Variants in DNAH11 observed in about 807,000 individuals in gnomAD.
DNAH11 encodes dynein axonemal heavy chain 11, also known as axonemal beta dynein heavy chain 11.
DNAH11 carries 442 observed loss-of-function variants against 526.0 expected under a neutral mutation model. The ratio of observed to expected loss-of-function variants is 0.84; its 90% CI spans 0.78 to 0.91. The LOEUF (loss-of-function observed/expected upper bound fraction) is 0.91. DNAH11 is among the 40% of genes least tolerant of loss of function. The pLI is 0.00. For synonymous variants in DNAH11, 2,461 were observed against 1,935.9 expected, an observed-to-expected ratio of 1.27 and a Z score of -7.12; for missense variants, 6,989 against 5,448.7, an observed-to-expected ratio of 1.28 and a Z score of -8.90.
At chr7:21,706,165 A>G (rs1182763072) in intron 39 of DNAH11, among the ~76,000 whole-genome samples, 2 of 152,138 alleles carry the variant, frequency 1.3e-5, no homozygotes, top group Non-Finnish European at 2.9e-5. Context: ...TGCATTATGT[A>G]TGATTTACTC....
intron 61 of DNAH11, among the ~76,000 whole-genome samples, 163 bp from the exon 62 acceptor site, chr7:21,800,974 T>C (rs572233861): frequency 1.2e-4 from 18 of 152,330 alleles, no homozygotes; most frequent in Admixed American, 5.2e-4. Context: ...TTTCATTATA[T>C]CCTTCTTTTC....
At chr7:21,742,737 G>A (rs578071957) in intron 49 of DNAH11, among the ~76,000 whole-genome samples, 56 of 152,272 alleles carry the variant, frequency 3.7e-4, no homozygotes, top group African/African-American at 1.3e-3. Context: ...AAACTTCTCA[G>A]GAAGTAAGTA....
chr7:21,700,769 C>T (rs573563241), intron 36 of DNAH11, among the ~76,000 whole-genome samples: 1 of 152,116 alleles, frequency 6.6e-6, no homozygotes, highest in Non-Finnish European at 1.5e-5. Flanking sequence ...CCATGGAATA[C>T]TATGCAGCCA....
intron 36 of DNAH11, among the ~76,000 whole-genome samples, chr7:21,700,761 A>G (rs554166769): frequency 3.3e-4 from 50 of 152,334 alleles, no homozygotes; most frequent in Non-Finnish European, 5.0e-4. Flanking sequence ...CATATACACC[A>G]TGGAATACTA....
At chr7:21,777,608 T>C (rs1787735500) in intron 56 of DNAH11, among the ~76,000 whole-genome samples, 1 of 152,204 alleles carries the variant, frequency 6.6e-6, no homozygotes, top group South Asian at 2.1e-4. Flanking sequence ...ATTTTAACCA[T>C]TCTAATAGGC....
chr7:21,655,515 AG>A (rs1348964599), intron 28 of DNAH11, among the ~76,000 whole-genome samples: 10 of 152,204 alleles, frequency 6.6e-5, no homozygotes, highest in Non-Finnish European at 1.5e-4. Context: ...AAGCCCCAGT[AG>A]GATGCCTGTC....
chr7:21,862,017 T>C lies in DNAH11; in HGVS notation c.11367T>C (p.Ala3789=), dbSNP rs770922562. Reference sequence around the variant, plus strand: ...AGCTCACCTTCCTGTCCCAGATGGCTTTTCAGGTAAGGAGATCAGTTACTT... The same window carrying C: ...AGCTCACCTTCCTGTCCCAGATGGCCTTTCAGGTAAGGAGATCAGTTACTT... ...KDKLTFLSQM[A]FQILLRKKEI... The change falls in exon 69 of 82, where the codon GCT becomes GCC. Residue 3789 remains alanine (A), a synonymous_variant. Transcript: ENST00000409508. 6.2e-7 allele frequency: 1 copy of C among 1,610,830 alleles called. No individual in the cohort carries two copies. The highest frequency in any genetic ancestry group is 1.3e-5 in the African/African-American group (1 of 74,860).
chr7:21,669,326 C>G (rs528108466), intron 30 of DNAH11, among the ~76,000 whole-genome samples: 1 of 152,232 alleles, frequency 6.6e-6, no homozygotes, highest in East Asian at 1.9e-4. Context: ...CAAGCACCAC[C>G]GTGCTCAGTT....
intron 9 of DNAH11, among the ~76,000 whole-genome samples, 164 bp downstream of exon 9, chr7:21,582,185 T>C (rs1784335510): frequency 6.6e-6 from 1 of 152,230 alleles, no homozygotes; most frequent in African/African-American, 2.4e-5. Context: ...AGTGTACTAA[T>C]GAATAATGAC....
intron 74 of DNAH11, among the ~76,000 whole-genome samples, chr7:21,874,134 G>A (rs999145032): frequency 6.6e-6 from 1 of 151,968 alleles, no homozygotes; most frequent in Non-Finnish European, 1.5e-5. Flanking sequence ...TAGTATCTCT[G>A]ACCACAGAAA....
At chr7:21,790,444 C>T (rs908943736) in intron 61 of DNAH11, among the ~76,000 whole-genome samples, 11 of 151,976 alleles carry the variant, frequency 7.2e-5, no homozygotes, top group Admixed American at 2.0e-4. Flanking sequence ...AGCAAGACTC[C>T]GTCTCAAACA....
chr7:21,714,089 T>C (rs1438747130), intron 42 of DNAH11, among the ~76,000 whole-genome samples: 1 of 152,208 alleles, frequency 6.6e-6, no homozygotes, highest in African/African-American at 2.4e-5. Flanking sequence ...TCCCAAGGCA[T>C]ATGTAATTCA....
Position 21,543,500 on chromosome 7 carries a change from C to T in DNAH11, c.255C>T (p.Asp85=). The T allele has an allele frequency of 1.2e-6, 2 of 1,607,622 alleles. No homozygotes were observed. The highest frequency in any genetic ancestry group is 1.7e-4 in the Middle Eastern group (1 of 6,054). ...EKWSQYLESE[D]NRQVLGEFLE... is the part of the protein sequence containing the mutation. ...GGAGCCAGTATTTGGAAAGCGAGGA[C>T]AACCGGCAGGTTCTTGGGGAGTTTC... Residue 85 remains aspartate (D), a synonymous_variant, in exon 1 of 82, where the codon GAC becomes GAT. Coordinates refer to ENST00000409508, the MANE Select transcript of DNAH11 (RefSeq NM_001277115.2).
At chr7:21,717,674 G>A in intron 42 of DNAH11, 101 bp from the exon 43 acceptor site, 3 of 1,387,180 alleles carry the variant, frequency 2.2e-6, no homozygotes, top group Non-Finnish European at 3.0e-6. Flanking sequence ...TGTCCTTGAA[G>A]TGTTGCACCA....
At chr7:21,815,271 C>T (rs1219419447) in intron 63 of DNAH11, among the ~76,000 whole-genome samples, 1 of 152,148 alleles carries the variant, frequency 6.6e-6, no homozygotes, top group Non-Finnish European at 1.5e-5. Flanking sequence ...AAAGCACATA[C>T]CTCTTGCAGA....
chr7:21,895,769 G>A (rs1256920677), intron 79 of DNAH11, among the ~76,000 whole-genome samples: 1 of 151,986 alleles, frequency 6.6e-6, no homozygotes, highest in South Asian at 2.1e-4. Context: ...TCACTCTCTC[G>A]CCCAGGCTGG....
At chr7:21,552,819 C>T (rs979513468) in intron 2 of DNAH11, among the ~76,000 whole-genome samples, 2 of 152,144 alleles carry the variant, frequency 1.3e-5, no homozygotes, top group African/African-American at 4.8e-5. Context: ...TTTAGATCCA[C>T]CACACTGAAC....
intron 42 of DNAH11, among the ~76,000 whole-genome samples, chr7:21,715,177 G>A (rs1448331008): frequency 1.3e-5 from 2 of 152,212 alleles, no homozygotes. Context: ...TCTAAGGGTA[G>A]ACTTAGAGTC....
intron 32 of DNAH11, among the ~76,000 whole-genome samples, chr7:21,684,450 G>A (rs1038910341): frequency 6.6e-6 from 1 of 152,150 alleles, no homozygotes; most frequent in African/African-American, 2.4e-5. Context: ...GGGGTAAAGA[G>A]AAACAATAAA....
Sources: gnomAD v4.1 joint callset for allele counts (sites outside exome capture counted in the v4.1 genomes callset) on GRCh38, gnomAD v4.1.1 for gene constraint, MANE v1.5 for transcripts, NCBI Gene and HGNC (gene_info 2026-07-23, HGNC 2026-07-21) for gene names.